The following ANKRD30B variants were observed in gnomAD, a reference collection of about 807,000 sequenced individuals.
ANKRD30B encodes the protein ankyrin repeat domain-containing protein 30B.
ANKRD30B carries 144 observed loss-of-function variants against 202.2 expected under a neutral mutation model. That is an observed-to-expected ratio of 0.71 (90% CI 0.62 to 0.82). The LOEUF (loss-of-function observed/expected upper bound fraction) is 0.82, where lower values mean the gene tolerates loss of function less well. Ranked by LOEUF, ANKRD30B falls within the 40% of genes least tolerant of loss-of-function variation. ANKRD30B has a pLI of 0.00. For missense variants in ANKRD30B, 1,487 were observed against 1,669.1 expected (o/e 0.89, Z 1.90); for synonymous variants, 508 against 561.3 (o/e 0.91, Z 1.34).
At chr18:14,931,896 C>A in the ANKRD30B span, among the ~76,000 whole-genome samples, 2 of 151,684 alleles carry the variant, frequency 1.3e-5, no homozygotes, top group African/African-American at 4.8e-5. Context: ...GGCCCTCTGT[C>A]CCAGGCCCCC....
Position 14,795,667 on chromosome 18 carries a change from A to T in ANKRD30B, c.1826-554A>T, listed in dbSNP as rs1041120489. On this transcript the variant is annotated intron_variant, in intron 16 of 43. Transcript: ENST00000690538. ...ATTCTATAAGTAGATATTTATGCTG[A>T]TAAATTTAGAACATCCTCTGCAATG... 7.9e-4 allele frequency among the ~76,000 whole-genome samples: 120 copies of T among 152,330 alleles called. 1 individual carries two copies. The highest frequency in any genetic ancestry group is 3.4e-3 in the Middle Eastern group (1 of 294).
intron 7 of ANKRD30B, among the ~76,000 whole-genome samples, chr18:14,765,742 A>G (rs903038547): frequency 3.3e-5 from 5 of 151,480 alleles, no homozygotes; most frequent in African/African-American, 1.2e-4. Flanking sequence ...AGTTCATGCT[A>G]TAGTCTTTTT....
chr18:14,867,180 C>T, the ANKRD30B span, among the ~76,000 whole-genome samples: 2 of 150,756 alleles, frequency 1.3e-5, no homozygotes, highest in South Asian at 2.1e-4. Context: ...GCTGCAACAC[C>T]CGTGGCAGGG....
chr18:14,938,149 C>T, the ANKRD30B span, among the ~76,000 whole-genome samples: 1 of 152,222 alleles, frequency 6.6e-6, no homozygotes, highest in Non-Finnish European at 1.5e-5. Context: ...CACCGAGTCT[C>T]AGTCACACAC....
the ANKRD30B span, among the ~76,000 whole-genome samples, chr18:14,865,886 C>T: frequency 3.9e-3 from 586 of 152,164 alleles, 3 homozygotes; most frequent in Middle Eastern, 0.014. Flanking sequence ...TACAGAAGAA[C>T]CTGGAATAGC....
At position 14,748,403 on chromosome 18, in the gene ANKRD30B, A is replaced by G; in HGVS notation, c.-17A>G. 1 of 1,462,674 alleles carries G rather than the reference A, an allele frequency of 6.8e-7. No homozygotes were observed. The highest frequency in any genetic ancestry group is 9.1e-7 in the Non-Finnish European group (1 of 1,103,994). 90.6% of individuals were successfully genotyped at this position (1,462,674 alleles called of 1,614,324 possible). A position where few individuals can be genotyped will look rare whatever the true frequency, so the allele number is the denominator to read the frequency against. On this transcript the variant is annotated 5_prime_UTR_variant, in exon 1 of 44. Coordinates refer to ENST00000690538, the MANE Select transcript of ANKRD30B (RefSeq NM_001367607.2). The stretch of plus-strand genomic sequence containing the variant: ...CGAGCGGGAGGCGCGGGCTCTCTCT[A>G]GCAGGGGGCTGCAGCCATGAAGAGG...
chr18:14,766,389 C>T (rs1437700480), intron 7 of ANKRD30B, among the ~76,000 whole-genome samples: 2 of 136,320 alleles, frequency 1.5e-5, no homozygotes, highest in South Asian at 2.5e-4. Context: ...AGGAGAATGG[C>T]ATGAACCCAG....
chr18:14,926,962 C>G, the ANKRD30B span, among the ~76,000 whole-genome samples: 3 of 151,784 alleles, frequency 2.0e-5, no homozygotes, highest in African/African-American at 7.3e-5. Flanking sequence ...TGTGTGTACT[C>G]TCTTTATAGA....
the ANKRD30B span, among the ~76,000 whole-genome samples, chr18:14,868,378 G>A: frequency 3.7e-4 from 56 of 152,414 alleles, no homozygotes; most frequent in African/African-American, 1.2e-3. Context: ...AGGTGTGAGT[G>A]GCAGCATTGT....
intron 22 of ANKRD30B, 27 bp downstream of exon 22, chr18:14,799,322 C>G (rs981614443): frequency 3.5e-5 from 52 of 1,489,894 alleles, no homozygotes; most frequent in Non-Finnish European, 4.7e-5. Context: ...TAATTTTACT[C>G]TGGAATTAAG....
rs2143604162 is a variant in ANKRD30B, at chr18:14,748,399, C to T, written c.-21C>T. On this transcript the variant is annotated 5_prime_UTR_variant, in exon 1 of 44. Coordinates refer to ENST00000690538, the MANE Select transcript of ANKRD30B (RefSeq NM_001367607.2). ...AGGGCGAGCGGGAGGCGCGGGCTCT[C>T]TCTAGCAGGGGGCTGCAGCCATGAA... The T allele has an allele frequency of 6.9e-7, 1 of 1,457,696 alleles. No individual in the cohort carries two copies. The highest frequency in any genetic ancestry group is 1.4e-5 in the South Asian group (1 of 69,650). 90.3% of individuals were successfully genotyped at this position (1,457,696 alleles called of 1,614,324 possible). A position where few individuals can be genotyped will look rare whatever the true frequency, so the allele number is the denominator to read the frequency against.
chr18:14,755,617 C>T (rs1361957100), intron 4 of ANKRD30B, among the ~76,000 whole-genome samples: 1 of 152,022 alleles, frequency 6.6e-6, no homozygotes, highest in Admixed American at 6.6e-5. Flanking sequence ...TGTGTTCTCA[C>T]TGTTCACTTC....
Position 14,763,845 on chromosome 18 carries a change from A to ACAGAT in ANKRD30B, c.980_981insCAGAT (p.Lys327AsnfsTer16). ...TGTCTGGGGAAAGCAACATCTGGAA[A>ACAGAT]GTTTGAACAGTCAACAGAAGAAACA... On this transcript the variant is annotated frameshift_variant, in exon 7 of 44. Coordinates refer to ENST00000690538, the MANE Select transcript of ANKRD30B (RefSeq NM_001367607.2). LOFTEE classifies it high-confidence loss of function. The ACAGAT allele has an allele frequency of 6.2e-7, 1 of 1,613,404 alleles. No individual in the cohort carries two copies. Among genetic ancestry groups the ACAGAT allele is most frequent in the Non-Finnish European group, 8.5e-7 (1 of 1,179,646 alleles).
intron 7 of ANKRD30B, among the ~76,000 whole-genome samples, chr18:14,765,763 A>G (rs1803471897): frequency 6.6e-6 from 1 of 152,054 alleles, no homozygotes; most frequent in Non-Finnish European, 1.5e-5. Context: ...TTTTGTCACC[A>G]ATCTGTGGCC....
chr18:14,935,179 G>A, the ANKRD30B span, among the ~76,000 whole-genome samples: 14 of 152,308 alleles, frequency 9.2e-5, no homozygotes, highest in Middle Eastern at 3.4e-3. Context: ...CCTGGGAGGG[G>A]TACCTCGAGG....
the ANKRD30B span, among the ~76,000 whole-genome samples, chr18:14,866,931 C>T: frequency 0.53 from 78,987 of 149,696 alleles, 20,935 homozygotes; most frequent in African/African-American, 0.55. Flanking sequence ...GTTGGGTTAG[C>T]TACCATGAGC....
At chr18:14,864,608 T>C in the ANKRD30B span, among the ~76,000 whole-genome samples, 1 of 151,740 alleles carries the variant, frequency 6.6e-6, no homozygotes, top group Non-Finnish European at 1.5e-5. Flanking sequence ...CCCAAAACTT[T>C]TCCCCAACGT....
chr18:14,830,920 C>T (rs1385339971), intron 33 of ANKRD30B, among the ~76,000 whole-genome samples: 5 of 152,136 alleles, frequency 3.3e-5, no homozygotes, highest in African/African-American at 9.7e-5. Flanking sequence ...CGGTGGCTCA[C>T]GCCTGTAATC....
the ANKRD30B span, among the ~76,000 whole-genome samples, chr18:14,868,788 G>A: frequency 7.8e-4 from 119 of 152,402 alleles, no homozygotes; most frequent in Middle Eastern, 3.4e-3. Flanking sequence ...GGCCACAGGG[G>A]CAGAGGCTTC....
Sources: gnomAD v4.1 joint callset for allele counts (sites outside exome capture counted in the v4.1 genomes callset) on GRCh38, gnomAD v4.1.1 for gene constraint, MANE v1.5 for transcripts, NCBI Gene and HGNC (gene_info 2026-07-23, HGNC 2026-07-21) for gene names.